Variants in SAMMSON observed in about 807,000 individuals in gnomAD.
SAMMSON encodes survival associated mitochondrial melanoma specific oncogenic non-coding RNA, also known as long intergenic non-protein coding RNA 1212.
intron 2 of SAMMSON, among the ~76,000 whole-genome samples, chr3:70,400,405 G>C (rs117286663): frequency 6.6e-6 from 1 of 152,194 alleles, no homozygotes; most frequent in East Asian, 1.9e-4. Flanking sequence ...ATCTGGTTTC[G>C]TTGGGTCCTC....
chr3:70,208,904 A>G (rs1312743965), intron 4 of SAMMSON, among the ~76,000 whole-genome samples: 2 of 152,056 alleles, frequency 1.3e-5, no homozygotes, highest in Non-Finnish European at 2.9e-5. Flanking sequence ...TTCATCCACC[A>G]TAAAAGGGAT....
At chr3:70,167,391 C>T (rs549839683) in intron 4 of SAMMSON, among the ~76,000 whole-genome samples, 106 of 151,976 alleles carry the variant, frequency 7.0e-4, no homozygotes, top group African/African-American at 2.3e-3. Flanking sequence ...AATAGATGAT[C>T]TTCTTGTGAA....
At chr3:70,217,995 A>G (rs1559537612) in intron 4 of SAMMSON, among the ~76,000 whole-genome samples, 1 of 152,184 alleles carries the variant, frequency 6.6e-6, no homozygotes, top group Non-Finnish European at 1.5e-5. Context: ...AAGGACAAGA[A>G]ATCACAGGAG....
chr3:70,384,548 G>A (rs1703104556), intron 9 of SAMMSON, among the ~76,000 whole-genome samples: 2 of 151,922 alleles, frequency 1.3e-5, no homozygotes, highest in South Asian at 4.2e-4. Flanking sequence ...GGACATAAGG[G>A]GCAAAGAAAA....
chr3:70,126,165 A>G, intron 4 of SAMMSON: 1 of 1,209,424 alleles, frequency 8.3e-7, no homozygotes, highest in Admixed American at 2.0e-5. Flanking sequence ...AATTAAGAAA[A>G]GTCAGCCCAT....
intron 7 of SAMMSON, among the ~76,000 whole-genome samples, chr3:70,300,851 A>T (rs895270098): frequency 1.3e-5 from 2 of 152,044 alleles, no homozygotes; most frequent in Admixed American, 6.6e-5. Flanking sequence ...CCAAATTTGG[A>T]CACTCCAAGG....
At chr3:70,419,663 G>C (rs1333424471) in intron 2 of SAMMSON, among the ~76,000 whole-genome samples, 1 of 152,150 alleles carries the variant, frequency 6.6e-6, no homozygotes, top group Non-Finnish European at 1.5e-5. Flanking sequence ...TTTTGAGACT[G>C]AGTCCCGCTC....
At chr3:70,106,974 C>T (rs2067369434) in intron 4 of SAMMSON, among the ~76,000 whole-genome samples, 1 of 152,210 alleles carries the variant, frequency 6.6e-6, no homozygotes, top group Admixed American at 6.5e-5. Context: ...GTGACATCCA[C>T]AACTCACATT....
At chr3:70,269,138 A>G (rs1701951612) in intron 6 of SAMMSON, among the ~76,000 whole-genome samples, 1 of 152,218 alleles carries the variant, frequency 6.6e-6, no homozygotes, top group Non-Finnish European at 1.5e-5. Flanking sequence ...AGGCTGACAT[A>G]TCAGATAAAT....
intron 7 of SAMMSON, among the ~76,000 whole-genome samples, chr3:70,326,714 C>T (rs376333932): frequency 2.6e-5 from 4 of 152,158 alleles, no homozygotes; most frequent in African/African-American, 9.6e-5. Flanking sequence ...ATTACCTTTC[C>T]TTTATTTTTG....
intron 4 of SAMMSON, among the ~76,000 whole-genome samples, chr3:70,207,632 G>T (rs755747392): frequency 2.2e-4 from 32 of 145,040 alleles, no homozygotes; most frequent in African/African-American, 8.8e-4. Context: ...TTCAGAAAAA[G>T]CTCCCCAAAT....
chr3:70,308,211 C>A (rs1237116321), intron 7 of SAMMSON, among the ~76,000 whole-genome samples: 2 of 151,136 alleles, frequency 1.3e-5, no homozygotes, highest in Admixed American at 6.6e-5. Flanking sequence ...CCATTACACC[C>A]AGCTAATTTT....
At chr3:70,294,875 A>G (rs920478596) in intron 7 of SAMMSON, among the ~76,000 whole-genome samples, 4 of 152,158 alleles carry the variant, frequency 2.6e-5, no homozygotes, top group African/African-American at 9.7e-5. Flanking sequence ...ATAGGAGACT[A>G]TCTTTTTTTG....
intron 4 of SAMMSON, among the ~76,000 whole-genome samples, chr3:70,131,230 A>G (rs9814379): frequency 0.1 from 15,250 of 152,244 alleles, 900 homozygotes; most frequent in East Asian, 0.19. Flanking sequence ...CTTTGAATTC[A>G]TAGAGCATTC....
chr3:70,219,042 A>T (rs1202988936), intron 4 of SAMMSON, among the ~76,000 whole-genome samples: 1 of 152,216 alleles, frequency 6.6e-6, no homozygotes, highest in East Asian at 1.9e-4. Flanking sequence ...TCCAATTTTT[A>T]GTAAAGGCAG....
chr3:70,359,257 C>T (rs777830363), intron 9 of SAMMSON, among the ~76,000 whole-genome samples: 1 of 151,982 alleles, frequency 6.6e-6, no homozygotes, highest in East Asian at 1.9e-4. Flanking sequence ...CTTTTCAAGA[C>T]GTAGTATGTG....
chr3:70,050,337 A>G (rs912419934), intron 3 of SAMMSON, among the ~76,000 whole-genome samples: 2 of 151,916 alleles, frequency 1.3e-5, no homozygotes, highest in African/African-American at 2.4e-5. Context: ...CCATCTCACA[A>G]CCCCACCCAG....
At chr3:70,383,397 CA>C (rs1237736980) in intron 9 of SAMMSON, among the ~76,000 whole-genome samples, 3 of 149,756 alleles carry the variant, frequency 2.0e-5, no homozygotes, top group Non-Finnish European at 3.0e-5. Flanking sequence ...CAGGTAAAAG[CA>C]AAAAGTCATA....
intron 6 of SAMMSON, among the ~76,000 whole-genome samples, chr3:70,288,665 A>T (rs1674032057): frequency 1.3e-5 from 2 of 151,788 alleles, no homozygotes; most frequent in African/African-American, 4.8e-5. Flanking sequence ...GGGGTGTTAA[A>T]GTCTCCCATT....
Sources: gnomAD v4.1 joint callset for allele counts (sites outside exome capture counted in the v4.1 genomes callset) on GRCh38, gnomAD v4.1.1 for gene constraint, MANE v1.5 for transcripts, NCBI Gene and HGNC (gene_info 2026-07-23, HGNC 2026-07-21) for gene names.